DEFB121: variants seen among roughly 807,000 people sequenced by gnomAD.
DEFB121 encodes defensin beta 121.
A neutral mutation model predicts 2.5 loss-of-function variants in DEFB121; 5 were observed. The ratio of observed to expected loss-of-function variants is 1.96; its 90% CI spans 1.03 to 4.13. The LOEUF (loss-of-function observed/expected upper bound fraction) is 4.13, where lower values mean the gene tolerates loss of function less well. Among genes scored for constraint, DEFB121 ranks in the 30% most tolerant of loss-of-function variants. The probability of loss-of-function intolerance (pLI) is 0.00; values close to 1 mark genes in which losing one functional copy is unlikely to be tolerated. For missense variants in DEFB121, 87 were observed against 85.0 expected, an observed-to-expected ratio of 1.02 and a Z score of -0.09; for synonymous variants, 39 against 32.6, an observed-to-expected ratio of 1.20 and a Z score of -0.67.
At chr20:31,414,805 C>T (rs780893154), upstream of DEFB121, among the ~76,000 whole-genome samples, 1 of 152,152 alleles carries the variant, frequency 6.6e-6, no homozygotes, top group African/African-American at 2.4e-5. Flanking sequence ...AGTCCCAGCA[C>T]TTTGGGAGGC....
upstream of DEFB121, among the ~76,000 whole-genome samples, chr20:31,409,066 GC>G (rs201421715): frequency 8.4e-3 from 1,281 of 151,972 alleles, 26 homozygotes; most frequent in African/African-American, 0.03. Context: ...ATCACTTGAG[GC>G]CAGGAGTTTG....
chr20:31,411,930 G>A (rs1395250054), intron 1 of DEFB121, among the ~76,000 whole-genome samples: 2 of 152,208 alleles, frequency 1.3e-5, no homozygotes, highest in Non-Finnish European at 2.9e-5. Context: ...AGATAGGGTG[G>A]TATCTGAAAT....
At chr20:31,416,942 C>T (rs938834855), upstream of DEFB121, among the ~76,000 whole-genome samples, 13 of 152,050 alleles carry the variant, frequency 8.5e-5, no homozygotes, top group Admixed American at 3.9e-4. Flanking sequence ...TATCTGAGTC[C>T]TCTCCCTTTC....
At chr20:31,407,373 C>G (rs548839141), upstream of DEFB121, among the ~76,000 whole-genome samples, 4 of 152,328 alleles carry the variant, frequency 2.6e-5, no homozygotes, top group South Asian at 6.2e-4. Flanking sequence ...TTCACTTTGG[C>G]CTTGGCATGT....
chr20:31,410,066 C>A (rs1476953320), upstream of DEFB121, among the ~76,000 whole-genome samples: 6 of 152,066 alleles, frequency 3.9e-5, no homozygotes, highest in African/African-American at 1.4e-4. Context: ...TTAAAAAAAA[C>A]CTGTGCAAAT....
At chr20:31,408,133 T>C (rs1978545532), upstream of DEFB121, among the ~76,000 whole-genome samples, 1 of 152,140 alleles carries the variant, frequency 6.6e-6, no homozygotes, top group South Asian at 2.1e-4. Flanking sequence ...AAGAGGAATA[T>C]CTTCTTTCTA....
At chr20:31,407,880 C>G (rs570323712), upstream of DEFB121, among the ~76,000 whole-genome samples, 71 of 152,284 alleles carry the variant, frequency 4.7e-4, no homozygotes, top group African/African-American at 1.6e-3. Context: ...CGGGTTCAAG[C>G]AGTTCTCCTG....
intron 1 of DEFB121, among the ~76,000 whole-genome samples, chr20:31,405,766 C>T (rs1186884766): frequency 2.0e-5 from 3 of 152,292 alleles, no homozygotes; most frequent in African/African-American, 7.2e-5. Context: ...AAATTCAAAT[C>T]CTTTCAATGA....
At position 31,405,000 on chromosome 20, in the gene DEFB121, A is replaced by G. The variant is rs768516110; in HGVS notation, c.144T>C (p.Ala48=). The G allele has an allele frequency of 2.5e-6, 4 of 1,614,040 alleles. No individual in the cohort carries two copies. The highest frequency in any genetic ancestry group is 1.1e-5 in the South Asian group (1 of 91,014). ...CATACTTGGGATCCACACAGCACTT[A>G]GCCTCAGTTTTGCATAATATATAGT... The part of the protein sequence containing the change: ...EVYYILCKTE[A]KCCVDPKYVP... Residue 48 remains alanine (A), a synonymous_variant, in exon 2 of 2, where the codon GCT becomes GCC. Coordinates refer to ENST00000376314, the MANE Select transcript of DEFB121 (RefSeq NM_001011878.3).
chr20:31,416,352 C>T (rs1191055470), upstream of DEFB121, among the ~76,000 whole-genome samples: 1 of 152,184 alleles, frequency 6.6e-6, no homozygotes, highest in African/African-American at 2.4e-5. Flanking sequence ...TAAGCCACGG[C>T]GCCTGGCCTT....
At position 31,405,023 on chromosome 20, in the gene DEFB121, A is replaced by C; in HGVS notation, c.121T>G (p.Tyr41Asp). ...TTAGCCTCAGTTTTGCATAATATAT[A>C]GTATACTTCACTTTCTTTACATGTT... Reference protein sequence around the residue: ...RTTCKESEVYYILCKTEAKCC... With the variant: ...RTTCKESEVYDILCKTEAKCC... The change falls in exon 2 of 2, where the codon TAT (tyrosine) becomes GAT (aspartate). Residue 41 changes from tyrosine to aspartate, a missense_variant. Transcript: ENST00000376314. 6.2e-7 allele frequency: 1 copy of C among 1,612,710 alleles called. No homozygotes were observed. The highest frequency in any genetic ancestry group is 8.5e-7 in the Non-Finnish European group (1 of 1,179,728).
upstream of DEFB121, among the ~76,000 whole-genome samples, chr20:31,410,331 G>A (rs1433617633): frequency 1.3e-5 from 2 of 152,124 alleles, no homozygotes; most frequent in African/African-American, 4.8e-5. Flanking sequence ...AACATAAAGA[G>A]GGGAACCATA....
chr20:31,408,058 C>T (rs542468538), upstream of DEFB121, among the ~76,000 whole-genome samples: 2 of 152,288 alleles, frequency 1.3e-5, no homozygotes, highest in South Asian at 4.1e-4. Flanking sequence ...GGATTACAGG[C>T]GTGAGCCACT....
upstream of DEFB121, among the ~76,000 whole-genome samples, chr20:31,413,807 A>G (rs148552640): frequency 6.6e-6 from 1 of 152,304 alleles, no homozygotes; most frequent in East Asian, 1.9e-4. Context: ...CAAACAACAA[A>G]AGACAATTGT....
At position 31,404,865 on chromosome 20, in the gene DEFB121, G is replaced by A; in HGVS notation, c.*48C>T. The stretch of plus-strand genomic sequence containing the variant: ...GGGTGTTGCCAAGAATGATTTAATA[G>A]AACTGCAGGATCCCATGATGTTGAG... On this transcript the variant is annotated 3_prime_UTR_variant, in exon 2 of 2. Coordinates refer to ENST00000376314, the MANE Select transcript of DEFB121 (RefSeq NM_001011878.3). 6.3e-7 allele frequency: 1 copy of A among 1,596,442 alleles called. No individual in the cohort carries two copies. The highest frequency in any genetic ancestry group is 8.5e-7 in the Non-Finnish European group (1 of 1,171,130).
chr20:31,404,868 C>T lies in DEFB121; in HGVS notation c.*45G>A. 1 of 1,602,206 alleles carries T rather than the reference C, an allele frequency of 6.2e-7. No homozygotes were observed. The highest frequency in any genetic ancestry group is 8.5e-7 in the Non-Finnish European group (1 of 1,174,586). ...TGTTGCCAAGAATGATTTAATAGAA[C>T]TGCAGGATCCCATGATGTTGAGACT... is the stretch of plus-strand genomic sequence containing the variant. On this transcript the variant is annotated 3_prime_UTR_variant, in exon 2 of 2. Coordinates refer to ENST00000376314, the MANE Select transcript of DEFB121 (RefSeq NM_001011878.3).
chr20:31,405,085 A>C lies in DEFB121; in HGVS notation c.59T>G (p.Val20Gly), dbSNP rs562843546. The C allele has an allele frequency of 6.3e-7, 1 of 1,592,090 alleles. No homozygotes were observed. The highest frequency in any genetic ancestry group is 2.2e-5 in the East Asian group (1 of 44,512). The change falls in exon 2 of 2, where the codon GTC (valine) becomes GGC (glycine). Residue 20 changes from valine (V) to glycine (G), a missense_variant and splice_region_variant. By Grantham distance (109) the Val-to-Gly change is moderately radical. Transcript: ENST00000376314. ...GCCTGACTTGCCCCAACATTTCATG[A>C]CTGAAAACAAAAGGGAAGAAGAGAA... is the stretch of plus-strand genomic sequence containing the variant. ...VTLLLAQVTP[V>G]MKCWGKSGRC...
upstream of DEFB121, among the ~76,000 whole-genome samples, chr20:31,409,278 A>T (rs567682152): frequency 6.6e-6 from 1 of 152,372 alleles, no homozygotes; most frequent in East Asian, 1.9e-4. Flanking sequence ...AGATAAATGA[A>T]GACATATGTC....
At position 31,406,191 on chromosome 20, in the gene DEFB121, A is replaced by G; in HGVS notation, c.-39T>C. The stretch of plus-strand genomic sequence containing the variant: ...TCAGGGAGGGATAGGAGGCTTCTCA[A>G]CTGGTAAAACAGACAGAGGACTCCA... On this transcript the variant is annotated 5_prime_UTR_variant, in exon 1 of 2. Coordinates refer to ENST00000376314, the MANE Select transcript of DEFB121 (RefSeq NM_001011878.3). 6.2e-7 allele frequency: 1 copy of G among 1,613,084 alleles called. No individual in the cohort carries two copies.
Sources: gnomAD v4.1 joint callset for allele counts (sites outside exome capture counted in the v4.1 genomes callset) on GRCh38, gnomAD v4.1.1 for gene constraint, MANE v1.5 for transcripts, NCBI Gene and HGNC (gene_info 2026-07-23, HGNC 2026-07-21) for gene names.